The following DPF3 variants were observed in gnomAD, a reference collection of about 807,000 sequenced individuals.
DPF3 encodes the protein double PHD fingers 3.
In DPF3, 18 loss-of-function variants were observed where a neutral mutation model predicts 56.8. The observed-to-expected ratio is 0.32, with a 90% confidence interval of 0.22 to 0.47. The LOEUF is 0.47. DPF3 is among the 20% of genes least tolerant of loss of function. The pLI is 1.00. For synonymous variants in DPF3, 188 were observed against 180.2 expected (o/e 1.04, Z -0.35); for missense variants, 403 against 488.8 (o/e 0.82, Z 1.65).
At chr14:72,806,276 C>T (rs970031765) in intron 1 of DPF3, among the ~76,000 whole-genome samples, 4 of 149,442 alleles carry the variant, frequency 2.7e-5, no homozygotes, top group Non-Finnish European at 6.0e-5. Flanking sequence ...CAGTGGCCAC[C>T]CGTGGGTGGT....
In DPF3 at chr14:72,765,551, C is replaced by T. The variant is rs999511130; in HGVS notation, c.193+6182G>A. On this transcript the variant is annotated intron_variant, in intron 2 of 10. Coordinates refer to ENST00000556509, the MANE Select transcript of DPF3 (RefSeq NM_001280542.3). ...ATGGATAAATTAACTGTGATACAGC[C>T]ATGCAATGGACTACTACTCAGCATA... is the stretch of plus-strand genomic sequence containing the variant. Among the ~76,000 whole-genome samples, 178 of 152,268 alleles carry T rather than the reference C, an allele frequency of 1.2e-3. 2 individuals carry two copies. The highest frequency in any genetic ancestry group is 1.2e-4 in the Non-Finnish European group (8 of 68,022).
chr14:72,626,774 A>G (rs1483413872), intron 9 of DPF3, among the ~76,000 whole-genome samples: 3 of 152,096 alleles, frequency 2.0e-5, no homozygotes, highest in Non-Finnish European at 4.4e-5. Context: ...CCAGGGTTGT[A>G]CTAATTTGTA....
intron 2 of DPF3, among the ~76,000 whole-genome samples, chr14:72,758,757 G>C (rs1021584707): frequency 2.0e-5 from 3 of 152,158 alleles, no homozygotes; most frequent in Non-Finnish European, 4.4e-5. Flanking sequence ...CTTAGCCCTA[G>C]ACTAAGTACT....
Position 72,641,509 on chromosome 14 carries a change from G to T in DPF3, c.872-11773C>A, listed in dbSNP as rs1292259475. ...TTGGATCGAAGATCTTCAGTCCTAGGTGACTGAGCCTTGCCCACAAGGCTG... is the reference window on the plus strand; with the variant it reads ...TTGGATCGAAGATCTTCAGTCCTAGTTGACTGAGCCTTGCCCACAAGGCTG... On this transcript the variant is annotated intron_variant, in intron 8 of 10. Transcript: ENST00000556509. Among the ~76,000 whole-genome samples, 3 of 152,186 alleles carry T rather than the reference G, an allele frequency of 2.0e-5. No individual in the cohort carries two copies. The East Asian group carries it at 5.8e-4, about 29-fold the overall frequency.
At chr14:72,673,977 A>C in intron 8 of DPF3, 1 of 433,446 alleles carries the variant, frequency 2.3e-6, no homozygotes, top group African/African-American at 2.0e-5. Context: ...AAAAACACGC[A>C]CAAAGAAATA....
At chr14:72,748,176 T>C (rs112786648) in intron 3 of DPF3, among the ~76,000 whole-genome samples, 5,895 of 152,232 alleles carry the variant, frequency 0.039, 282 homozygotes, top group African/African-American at 0.12. Flanking sequence ...ATGCTGATAG[T>C]GATATGGACA....
intron 4 of DPF3, among the ~76,000 whole-genome samples, chr14:72,730,182 T>G (rs1208587760): frequency 6.7e-6 from 1 of 150,366 alleles, no homozygotes; most frequent in Admixed American, 6.7e-5. Context: ...TGGGCCAGGG[T>G]AGCAGTGGTG....
chr14:72,793,529 T>C (rs555402956), intron 1 of DPF3, among the ~76,000 whole-genome samples: 68 of 152,320 alleles, frequency 4.5e-4, no homozygotes, highest in African/African-American at 1.5e-3. Context: ...TGCAGCTTCA[T>C]GCTAAGTTTA....
At chr14:72,696,236 G>A (rs1887894860) in intron 6 of DPF3, among the ~76,000 whole-genome samples, 1 of 152,298 alleles carries the variant, frequency 6.6e-6, no homozygotes, top group Middle Eastern at 3.4e-3. Flanking sequence ...TTTCACTTGT[G>A]CCATTTTGTT....
At chr14:72,848,956 C>T (rs146286956) in intron 1 of DPF3, among the ~76,000 whole-genome samples, 195 of 152,304 alleles carry the variant, frequency 1.3e-3, no homozygotes, top group Non-Finnish European at 2.0e-3. Context: ...GCTTCACATA[C>T]ATTATGGCAT....
At chr14:72,720,892 AATAG>A (rs1423015554) in intron 5 of DPF3, among the ~76,000 whole-genome samples, 6 of 152,218 alleles carry the variant, frequency 3.9e-5, no homozygotes, top group African/African-American at 1.4e-4. Context: ...TTTTTAAAAA[AATAG>A]ATAGGTGCAA....
rs187453255 is a variant in DPF3 at position 72,803,810 on chromosome 14, C to T, written c.33-31917G>A. ...AATATGTCCCAGAAAGTGTCAAGAG[C>T]TTTGTAACGCAAAAGGCTCTGAACA... On this transcript the variant is annotated intron_variant, in intron 1 of 10. Coordinates refer to ENST00000556509, the MANE Select transcript of DPF3 (RefSeq NM_001280542.3). 3.7e-4 allele frequency among the ~76,000 whole-genome samples: 57 copies of T among 152,316 alleles called. 1 individual carries two copies. The East Asian group carries it at 0.011, about 29-fold the overall frequency.
intron 8 of DPF3, among the ~76,000 whole-genome samples, chr14:72,633,017 A>G (rs1885261104): frequency 6.6e-6 from 1 of 152,222 alleles, no homozygotes; most frequent in Non-Finnish European, 1.5e-5. Context: ...GAATGATTCA[A>G]CTAAGGTGGA....
At chr14:72,696,369 G>A (rs889303720) in intron 6 of DPF3, among the ~76,000 whole-genome samples, 1 of 152,122 alleles carries the variant, frequency 6.6e-6, no homozygotes, top group African/African-American at 2.4e-5. Context: ...TCCATTGATA[G>A]GGAACTCACT....
At chr14:72,838,037 G>A (rs1418244568) in intron 1 of DPF3, among the ~76,000 whole-genome samples, 1 of 152,168 alleles carries the variant, frequency 6.6e-6, no homozygotes, top group Non-Finnish European at 1.5e-5. Context: ...GCAAGCAGTG[G>A]CTCCAGTGCC....
chr14:72,612,613 G>A lies in DPF3; in HGVS notation c.*6684C>T, dbSNP rs772116636. The A allele has an allele frequency of 5.8e-6, 3 of 518,818 alleles. No homozygotes were observed. The East Asian group carries it at 1.6e-4, about 28-fold the overall frequency. 32.1% of individuals were successfully genotyped at this position (518,818 alleles called of 1,614,324 possible). On this transcript the variant is annotated 3_prime_UTR_variant, in exon 11 of 11. Coordinates refer to ENST00000556509, the MANE Select transcript of DPF3 (RefSeq NM_001280542.3). ...AGTGCAGGGAAGGGAGAGGGCAGGAGGAGAATCAGGGTCTCAGTGGGGAGT... is the reference window on the plus strand; with the variant it reads ...AGTGCAGGGAAGGGAGAGGGCAGGAAGAGAATCAGGGTCTCAGTGGGGAGT...
chr14:72,750,171 C>G (rs944044751), intron 3 of DPF3, among the ~76,000 whole-genome samples: 4 of 152,018 alleles, frequency 2.6e-5, no homozygotes, highest in African/African-American at 9.7e-5. Flanking sequence ...GTTAGTATAC[C>G]TATCAATAGT....
At chr14:72,783,336 C>CA (rs1892065993) in intron 1 of DPF3, among the ~76,000 whole-genome samples, 1 of 152,184 alleles carries the variant, frequency 6.6e-6, no homozygotes, top group South Asian at 2.1e-4. Flanking sequence ...ATCAGATTCC[C>CA]AGCCCCCAAC....
At chr14:72,670,908 A>G (rs1445376002) in intron 8 of DPF3, 1 of 1,264,392 alleles carries the variant, frequency 7.9e-7, no homozygotes, top group Non-Finnish European at 1.0e-6. Context: ...AAGAACGCTC[A>G]TTCTGCTGTT....
Sources: gnomAD v4.1 joint callset for allele counts (sites outside exome capture counted in the v4.1 genomes callset) on GRCh38, gnomAD v4.1.1 for gene constraint, MANE v1.5 for transcripts, NCBI Gene and HGNC (gene_info 2026-07-23, HGNC 2026-07-21) for gene names.